Variants in NOX3 observed in about 807,000 individuals in gnomAD.
NOX3 encodes NADPH oxidase 3, also known as NADPH oxidase catalytic subunit-like 3.
A neutral mutation model predicts 76.7 loss-of-function variants in NOX3; 74 were observed. The observed-to-expected ratio is 0.96, with a 90% CI of 0.80 to 1.17. NOX3 has a LOEUF of 1.17. Among genes scored for constraint, NOX3 ranks in the 50% most tolerant of loss-of-function variants. NOX3 has a pLI of 0.00. For missense variants in NOX3, 695 were observed against 703.3 expected (o/e 0.99, Z 0.13); for synonymous variants, 263 against 261.1 (o/e 1.01, Z -0.07).
chr6:155,414,000 C>T (rs561577429), intron 10 of NOX3, among the ~76,000 whole-genome samples: 3 of 152,148 alleles, frequency 2.0e-5, no homozygotes, highest in Non-Finnish European at 2.9e-5. Context: ...CTTACTTTCT[C>T]GTGGCCTAGC....
chr6:155,436,026 A>G lies in NOX3; in HGVS notation c.798+392T>C, dbSNP rs560319160. Among the ~76,000 whole-genome samples, 32 of 152,308 alleles carry G rather than the reference A, an allele frequency of 2.1e-4. No homozygotes were observed. The South Asian group carries it at 6.6e-3, about 32-fold the overall frequency. On this transcript the variant is annotated intron_variant, in intron 7 of 13. Transcript: ENST00000159060. ...CTGAGCCTCATTTGGCTGTTCATTG[A>G]CCTAGGTTTGAGCAGGGGTGCCAGT... is the stretch of plus-strand genomic sequence containing the variant.
intron 11 of NOX3, among the ~76,000 whole-genome samples, chr6:155,408,957 G>T (rs1437676443): frequency 4.0e-5 from 6 of 151,590 alleles, no homozygotes; most frequent in African/African-American, 1.5e-4. Context: ...CCAAAAGGGG[G>T]GGAGGGTGAG....
chr6:155,415,419 A>G (rs1422131391), intron 10 of NOX3, among the ~76,000 whole-genome samples: 1 of 152,240 alleles, frequency 6.6e-6, no homozygotes, highest in Non-Finnish European at 1.5e-5. Context: ...GGGCACTTTC[A>G]CAAATGCAAT....
intron 10 of NOX3, among the ~76,000 whole-genome samples, chr6:155,422,483 T>C (rs1776702208): frequency 2.0e-5 from 3 of 152,214 alleles, no homozygotes; most frequent in Admixed American, 2.0e-4. Flanking sequence ...GCAATAAAAT[T>C]TATGTCTTGT....
At chr6:155,422,989 A>G (rs184720239) in intron 9 of NOX3, 133 bp from the exon 10 acceptor site, 1 of 858,448 alleles carries the variant, frequency 1.2e-6, no homozygotes, top group African/African-American at 1.7e-5. Flanking sequence ...GTGCCTGAAA[A>G]TGCCCTATTT....
At chr6:155,416,770 A>G (rs1487977713) in intron 10 of NOX3, among the ~76,000 whole-genome samples, 1 of 44,254 alleles carries the variant, frequency 2.3e-5, no homozygotes, top group Non-Finnish European at 3.5e-5. Context: ...TTTTTTTTTG[A>G]GACGGAGTCT....
intron 11 of NOX3, among the ~76,000 whole-genome samples, chr6:155,409,452 C>T (rs1776512686): frequency 6.6e-6 from 1 of 152,130 alleles, no homozygotes; most frequent in South Asian, 2.1e-4. Flanking sequence ...AAGGGCCTTC[C>T]CTACTTACAC....
intron 5 of NOX3, among the ~76,000 whole-genome samples, chr6:155,441,821 T>C (rs1398256133): frequency 6.6e-6 from 1 of 152,138 alleles, no homozygotes; most frequent in African/African-American, 2.4e-5. Context: ...TTTTCCAGCG[T>C]CTTAGTGGGG....
chr6:155,401,689 C>A (rs1274232412), intron 12 of NOX3, among the ~76,000 whole-genome samples: 1 of 151,666 alleles, frequency 6.6e-6, no homozygotes, highest in Non-Finnish European at 1.5e-5. Context: ...TAAGTTGACA[C>A]CTTTCTTCAT....
intron 9 of NOX3, among the ~76,000 whole-genome samples, chr6:155,423,163 T>G (rs1776713014): frequency 6.6e-6 from 1 of 152,168 alleles, no homozygotes; most frequent in African/African-American, 2.4e-5. Flanking sequence ...CTTAGAAGCT[T>G]GTTTTGGCTC....
intron 10 of NOX3, 85 bp from the exon 11 acceptor site, chr6:155,411,445 A>G (rs1297264351): frequency 7.5e-7 from 1 of 1,339,898 alleles, no homozygotes; most frequent in African/African-American, 1.5e-5. Flanking sequence ...CCATTAAATT[A>G]TTTGAGCCCA....
At position 155,428,837 on chromosome 6, in the gene NOX3, C is replaced by A. The variant is rs766181336; in HGVS notation, c.1102G>T (p.Gly368Trp). The change falls in exon 9 of 14, where the codon GGG (glycine) becomes TGG (tryptophan). Residue 368 changes from glycine to tryptophan, a missense_variant. Physicochemically the swap from Gly to Trp is radical, Grantham distance 184 (BLOSUM62 -2). Coordinates refer to ENST00000159060, the MANE Select transcript of NOX3 (RefSeq NM_015718.3). ...DWTAALLEAF[G>W]AEGQALQEPW... is the part of the protein sequence containing the mutation. ...TCCTGGAGGGCCTGTCCCTCTGCCC[C>A]AAAGGCCTCCAGTAGCGCTGCTGTC... 2.5e-6 allele frequency: 4 copies of A among 1,583,292 alleles called. No homozygotes were observed. Among genetic ancestry groups the A allele is most frequent in the South Asian group, 1.1e-5 (1 of 87,364 alleles).
intron 7 of NOX3, among the ~76,000 whole-genome samples, chr6:155,431,624 A>G (rs935768922): frequency 2.0e-5 from 3 of 152,192 alleles, no homozygotes; most frequent in Non-Finnish European, 4.4e-5. Context: ...CTGATGATCA[A>G]TTTACCAGCA....
chr6:155,419,811 A>AT (rs1227378435), intron 10 of NOX3, among the ~76,000 whole-genome samples: 4 of 152,016 alleles, frequency 2.6e-5, no homozygotes, highest in Non-Finnish European at 5.9e-5. Context: ...TTCTTATAAG[A>AT]TTTTTCCTCT....
intron 9 of NOX3, among the ~76,000 whole-genome samples, chr6:155,425,159 C>T (rs748348140): frequency 6.6e-6 from 1 of 152,206 alleles, no homozygotes; most frequent in African/African-American, 2.4e-5. Flanking sequence ...TGACAACTCT[C>T]ATCTTTTGCC....
chr6:155,407,288 G>GA (rs138490015), intron 11 of NOX3, 34 bp from the exon 12 acceptor site: 20,525 of 1,363,654 alleles, frequency 0.015, no homozygotes, highest in Non-Finnish European at 0.016. Context: ...ATGACATTTA[G>GA]AAAAAAAAAA....
intron 7 of NOX3, among the ~76,000 whole-genome samples, chr6:155,435,179 G>C (rs1776885138): frequency 6.6e-6 from 1 of 152,154 alleles, no homozygotes; most frequent in Non-Finnish European, 1.5e-5. Context: ...AAGTGGAGCA[G>C]GGGAGAGTTA....
rs1562465095 is a variant in NOX3, at chr6:155,426,990, T to TGC, written c.1145+1803_1145+1804insGC. 1.0e-3 allele frequency among the ~76,000 whole-genome samples: 27 copies of TGC among 26,336 alleles called. 2 individuals are homozygous for TGC. The highest frequency in any genetic ancestry group is 4.7e-3 in the African/African-American group (27 of 5,722). The allele number at this position is 26,336 out of a possible 152,430, so 17.3% of individuals were successfully genotyped here. Reference sequence around the variant, plus strand: ...AAGCAGTTAGACACTGTGGCGTGTGTGTGTGTGTGTGTGTGTGTGTGTGTG... The same window carrying TGC: ...AAGCAGTTAGACACTGTGGCGTGTGTGCGTGTGTGTGTGTGTGTGTGTGTGTG... On this transcript the variant is annotated intron_variant, in intron 9 of 13. Transcript: ENST00000159060.
intron 4 of NOX3, among the ~76,000 whole-genome samples, chr6:155,451,242 G>T (rs1562473753): frequency 1.3e-5 from 2 of 152,116 alleles, no homozygotes; most frequent in Non-Finnish European, 2.9e-5. Context: ...GCCTCCCAAA[G>T]TGCTGGGATT....
Sources: allele counts gnomAD v4.1 joint callset (sites outside exome capture counted in the v4.1 genomes callset), GRCh38; gene constraint gnomAD v4.1.1; transcripts MANE v1.5; gene names NCBI Gene and HGNC (gene_info 2026-07-23, HGNC 2026-07-21).